The following TET3 variants were observed in gnomAD, a reference collection of about 807,000 sequenced individuals.
The protein encoded by TET3 is tet methylcytosine dioxygenase 3, also known as methylcytosine dioxygenase TET3.
A neutral mutation model predicts 141.4 loss-of-function variants in TET3; 19 were observed. The observed-to-expected ratio is 0.13, with a 90% CI of 0.09 to 0.20. The LOEUF (loss-of-function observed/expected upper bound fraction) is 0.20, where lower values mean the gene tolerates loss of function less well. Ranked by LOEUF, TET3 falls within the 10% of genes least tolerant of loss-of-function variation. TET3 has a pLI of 1.00. For missense variants in TET3, 1,874 were observed against 2,356.9 expected (o/e 0.80, Z 4.24); for synonymous variants, 1,043 against 980.9 (o/e 1.06, Z -1.18).
In TET3 at chr2:74,105,904, A is replaced by G. The variant is rs1236116091; in HGVS notation, c.*3728A>G. ...ATGATATCCCTGACGTGCCTCAACC[A>G]GTATCTCTTTCCTTTTGTTACTGAA... On this transcript the variant is annotated 3_prime_UTR_variant, in exon 12 of 12. Coordinates refer to ENST00000409262, the MANE Select transcript of TET3 (RefSeq NM_001287491.2). 1 of 154,174 alleles carries G rather than the reference A, an allele frequency of 6.5e-6. No homozygotes were observed. Among genetic ancestry groups the G allele is most frequent in the Non-Finnish European group, 1.5e-5 (1 of 68,374 alleles). The allele number at this position is 154,174 out of a possible 1,614,324, so 9.6% of individuals were successfully genotyped here.
intron 3 of TET3, among the ~76,000 whole-genome samples, chr2:74,005,205 C>A (rs1044605760): frequency 1.3e-5 from 2 of 152,192 alleles, no homozygotes; most frequent in Non-Finnish European, 2.9e-5. Flanking sequence ...CTGGAAGCTC[C>A]CAGCCTAATG....
At chr2:74,017,193 A>G (rs1236840799) in intron 3 of TET3, among the ~76,000 whole-genome samples, 2 of 152,168 alleles carry the variant, frequency 1.3e-5, no homozygotes, top group East Asian at 3.9e-4. Flanking sequence ...GGAGGCTGAC[A>G]TGGGAGGATT....
intron 4 of TET3, among the ~76,000 whole-genome samples, chr2:74,072,511 TAAAAAAA>T (rs756082699): frequency 3.0e-5 from 4 of 131,210 alleles, no homozygotes; most frequent in African/African-American, 5.6e-5. Context: ...AAACTCCATC[TAAAAAAA>T]AAAAAAAAAA....
At chr2:74,054,414 G>A (rs1303111608) in intron 4 of TET3, among the ~76,000 whole-genome samples, 3 of 152,216 alleles carry the variant, frequency 2.0e-5, no homozygotes, top group Admixed American at 6.5e-5. Flanking sequence ...CAGGCTGGGC[G>A]ACTGGGTTGA....
chr2:73,995,220 A>G (rs927169491), intron 2 of TET3, among the ~76,000 whole-genome samples: 2 of 152,238 alleles, frequency 1.3e-5, no homozygotes, highest in African/African-American at 2.4e-5. Context: ...TTGGCCTCCC[A>G]AAGTGCTGAG....
intron 5 of TET3, among the ~76,000 whole-genome samples, chr2:74,076,592 T>C (rs574365303): frequency 5.9e-5 from 9 of 152,110 alleles, no homozygotes; most frequent in Admixed American, 1.3e-4. Flanking sequence ...TGATTGTATT[T>C]TGTGTACCAG....
rs554727145 is a variant in TET3 at position 74,106,615 on chromosome 2, G to A, written c.*4439G>A. On this transcript the variant is annotated 3_prime_UTR_variant, in exon 12 of 12. Coordinates refer to ENST00000409262, the MANE Select transcript of TET3 (RefSeq NM_001287491.2). ...CGGACTAAAGGAAGGAGCTTTCTTT[G>A]CTCACTCGATGCCACTGAGGCTGCT... 8.5e-5 allele frequency: 13 copies of A among 153,710 alleles called. No individual in the cohort carries two copies. Among genetic ancestry groups the A allele is most frequent in the Admixed American group, 2.0e-4 (3 of 15,284 alleles). The allele number at this position is 153,710 out of a possible 1,614,324, so 9.5% of individuals were successfully genotyped here. A position where few individuals can be genotyped will look rare whatever the true frequency, so the allele number is the denominator to read the frequency against.
At position 74,048,206 on chromosome 2, in the gene TET3, G is replaced by A. The variant is rs1687752789; in HGVS notation, c.2289G>A (p.Gly763=). 1 of 1,612,716 alleles carries A rather than the reference G, an allele frequency of 6.2e-7. No homozygotes were observed. The highest frequency in any genetic ancestry group is 8.5e-7 in the Non-Finnish European group (1 of 1,179,434). The change falls in exon 4 of 12, where the codon GGG becomes GGA. Residue 763 remains glycine, a synonymous_variant. Coordinates refer to ENST00000409262, the MANE Select transcript of TET3 (RefSeq NM_001287491.2). Reference sequence around the variant, plus strand: ...AGCAAATCAAGATTGAGTCTTCGGGGGCTGTGACTGTGCTCTCAACCACCT... The same window carrying A: ...AGCAAATCAAGATTGAGTCTTCGGGAGCTGTGACTGTGCTCTCAACCACCT... ...SPKQIKIESS[G]AVTVLSTTCF...
intron 3 of TET3, among the ~76,000 whole-genome samples, chr2:74,024,562 G>A (rs1316530303): frequency 6.6e-6 from 1 of 152,096 alleles, no homozygotes; most frequent in Non-Finnish European, 1.5e-5. Flanking sequence ...GTGTCCCTCA[G>A]TGTTAGATGA....
intron 2 of TET3, chr2:74,002,749 G>C (rs930043775): frequency 1.9e-6 from 1 of 536,062 alleles, no homozygotes; most frequent in Non-Finnish European, 3.3e-6. Flanking sequence ...CGCTCCCTCC[G>C]GCGGGGATAA....
intron 3 of TET3, among the ~76,000 whole-genome samples, chr2:74,026,671 T>C (rs1000361315): frequency 6.6e-6 from 1 of 152,262 alleles, no homozygotes; most frequent in Non-Finnish European, 1.5e-5. Context: ...TATTATGCAT[T>C]CTTTGTCTCA....
chr2:74,045,876 G>C (rs1053324199), intron 3 of TET3, among the ~76,000 whole-genome samples: 1 of 152,212 alleles, frequency 6.6e-6, no homozygotes, highest in South Asian at 2.1e-4. Flanking sequence ...GTACACACAG[G>C]CTTGGTTGGA....
intron 3 of TET3, among the ~76,000 whole-genome samples, chr2:74,022,853 C>T (rs995970413): frequency 1.3e-5 from 2 of 151,982 alleles, no homozygotes; most frequent in Non-Finnish European, 2.9e-5. Flanking sequence ...CTTGGCTCAC[C>T]GCAACCTCCA....
At chr2:74,072,898 C>A (rs190024685) in intron 4 of TET3, among the ~76,000 whole-genome samples, 39 of 152,320 alleles carry the variant, frequency 2.6e-4, no homozygotes, top group African/African-American at 7.5e-4. Context: ...TCTTAAGGTT[C>A]ATCCTTGTAA....
the TET3 span, among the ~76,000 whole-genome samples, chr2:74,132,149 CTTCTT>C: frequency 6.6e-6 from 1 of 152,300 alleles, no homozygotes; most frequent in South Asian, 2.1e-4. Context: ...AGAACCCCCT[CTTCTT>C]TTGGTAACGC....
At chr2:74,058,488 T>A (rs1440439948) in intron 4 of TET3, among the ~76,000 whole-genome samples, 1 of 151,900 alleles carries the variant, frequency 6.6e-6, no homozygotes, top group Non-Finnish European at 1.5e-5. Context: ...CCGATTAACT[T>A]ATTAAATTTC....
chr2:74,075,494 G>A (rs1263334187), intron 5 of TET3, among the ~76,000 whole-genome samples: 1 of 151,254 alleles, frequency 6.6e-6, no homozygotes, highest in Admixed American at 6.6e-5. Context: ...ACTCCAGGCT[G>A]ATTTTTGTAT....
intron 6 of TET3, among the ~76,000 whole-genome samples, chr2:74,083,017 A>C (rs998787753): frequency 6.6e-6 from 1 of 152,060 alleles, no homozygotes; most frequent in Non-Finnish European, 1.5e-5. Context: ...GCCTCTCCCT[A>C]GCCCCCAGCC....
chr2:74,132,290 C>T, the TET3 span, among the ~76,000 whole-genome samples: 16 of 152,250 alleles, frequency 1.1e-4, no homozygotes, highest in Admixed American at 3.3e-4. Context: ...TTCCTGGGAA[C>T]TCCAAAAGAA....
Sources: allele counts gnomAD v4.1 joint callset (sites outside exome capture counted in the v4.1 genomes callset), GRCh38; gene constraint gnomAD v4.1.1; transcripts MANE v1.5; gene names NCBI Gene and HGNC (gene_info 2026-07-23, HGNC 2026-07-21).